UBR1: variants seen among roughly 807,000 people sequenced by gnomAD.
UBR1 encodes the protein E3 ubiquitin-protein ligase UBR1.
A neutral mutation model predicts 242.1 loss-of-function variants in UBR1; 102 were observed. The observed-to-expected ratio is 0.42, with a 90% CI of 0.36 to 0.50. The LOEUF is 0.50. UBR1 is among the 20% of genes least tolerant of loss of function. The pLI is 0.01. For synonymous variants in UBR1, 675 were observed against 684.8 expected (o/e 0.99, Z 0.22); for missense variants, 1,772 against 2,101.8 (o/e 0.84, Z 3.07).
At chr15:43,010,818 C>CAAAAAAAA (rs768275252) in intron 29 of UBR1, among the ~76,000 whole-genome samples, 223 of 56,844 alleles carry the variant, frequency 3.9e-3, no homozygotes, top group East Asian at 6.9e-3. Context: ...ACTAAAAATA[C>CAAAAAAAA]AAAAAAAAAA....
At chr15:43,045,879 T>C (rs1477881650) in intron 14 of UBR1, among the ~76,000 whole-genome samples, 2 of 152,194 alleles carry the variant, frequency 1.3e-5, no homozygotes, top group Non-Finnish European at 2.9e-5. Context: ...ATAATGCCTG[T>C]TTGTGAAAAC....
intron 40 of UBR1, 45 bp downstream of exon 40, chr15:42,970,475 A>G (rs772314083): frequency 9.5e-6 from 15 of 1,571,034 alleles, no homozygotes; most frequent in Non-Finnish European, 1.2e-5. Flanking sequence ...ACTGAACAAG[A>G]AATGGAATTA....
At chr15:42,992,126 C>T (rs2032565461) in intron 33 of UBR1, among the ~76,000 whole-genome samples, 1 of 152,070 alleles carries the variant, frequency 6.6e-6, no homozygotes, top group African/African-American at 2.4e-5. Flanking sequence ...TATCTCCATA[C>T]GGTTGGTTTT....
chr15:43,003,882 T>A lies in UBR1; in HGVS notation c.3464A>T (p.Tyr1155Phe), dbSNP rs2032763286. 6.2e-7 allele frequency: 1 copy of A among 1,614,144 alleles called. No homozygotes were observed. Among genetic ancestry groups the A allele is most frequent in the East Asian group, 2.2e-5 (1 of 44,876 alleles). ...CATTACATGACCACAGCTTCCTGTA[T>A]AAGTTCCATATGCCAAGTCTGGATC... ...FMDPDLAYGT[Y>F]TGSCGHVMHA... Residue 1155 changes from tyrosine to phenylalanine, a missense_variant, in exon 31 of 47, where the codon TAT (tyrosine) becomes TTT (phenylalanine). Physicochemically the swap from Tyr to Phe is conservative, Grantham distance 22. Coordinates refer to ENST00000290650, the MANE Select transcript of UBR1 (RefSeq NM_174916.3).
intron 12 of UBR1, among the ~76,000 whole-genome samples, chr15:43,050,354 C>T (rs1331874202): frequency 6.6e-6 from 1 of 152,070 alleles, no homozygotes; most frequent in East Asian, 1.9e-4. Context: ...AACTATGCAT[C>T]TGACAAAGTC....
rs566182745 is a variant in UBR1, at chr15:43,020,656, A to G, written c.2940+619T>C. The stretch of plus-strand genomic sequence containing the variant: ...AAAAATTATCACTTTATGCTGACTT[A>G]TAAGGACCTACAAGATCCGGCCCCT... On this transcript the variant is annotated intron_variant, in intron 27 of 46. Coordinates refer to ENST00000290650, the MANE Select transcript of UBR1 (RefSeq NM_174916.3). Among the ~76,000 whole-genome samples, 19 of 152,332 alleles carry G rather than the reference A, an allele frequency of 1.2e-4. No individual in the cohort carries two copies. The South Asian group carries it at 3.7e-3, about 30-fold the overall frequency.
intron 3 of UBR1, 76 bp from the exon 4 acceptor site, chr15:43,075,165 T>A: frequency 9.0e-7 from 1 of 1,115,402 alleles, no homozygotes; most frequent in Non-Finnish European, 1.4e-6. Flanking sequence ...ATGACTCAAA[T>A]AATAAATGCT....
At chr15:42,985,079 T>A in intron 35 of UBR1, 137 bp from the exon 36 acceptor site, 1 of 732,014 alleles carries the variant, frequency 1.4e-6, no homozygotes, top group Non-Finnish European at 2.1e-6. Flanking sequence ...TCTTGTGTTT[T>A]AAGTCTATGC....
At chr15:43,029,029 G>A (rs1453802405) in intron 21 of UBR1, among the ~76,000 whole-genome samples, 1 of 151,956 alleles carries the variant, frequency 6.6e-6, no homozygotes, top group Non-Finnish European at 1.5e-5. Context: ...AGGTTGCAGT[G>A]AGCCAAGATT....
chr15:43,085,698 AC>A (rs1316070757), intron 2 of UBR1, among the ~76,000 whole-genome samples: 1 of 148,926 alleles, frequency 6.7e-6, no homozygotes, highest in Admixed American at 6.7e-5. Context: ...AGCCTAGCCA[AC>A]ATGGTGAAAC....
chr15:43,091,362 T>C (rs1465701329), intron 1 of UBR1, among the ~76,000 whole-genome samples: 2 of 152,246 alleles, frequency 1.3e-5, no homozygotes, highest in African/African-American at 4.8e-5. Context: ...ACATTTTGGA[T>C]TTTAGATTTT....
In UBR1 at chr15:43,017,120, C is replaced by T; in HGVS notation, c.3002G>A (p.Gly1001Glu). The T allele has an allele frequency of 1.2e-6, 2 of 1,613,686 alleles. No individual in the cohort carries two copies. The highest frequency in any genetic ancestry group is 1.3e-5 in the African/African-American group (1 of 75,028). Residue 1001 changes from glycine (G) to glutamate (E), a missense_variant, in exon 28 of 47, where the codon GGA (glycine) becomes GAA (glutamate). Around this residue, in one of 3 missense-constraint regions of UBR1, gnomAD observed 965 missense variants for 1,079.7 expected, o/e 0.89. Transcript: ENST00000290650. ...CTCATCATTCTTAATAGATTCCGAT[C>T]CTGATGTGGTTGCTACAATTAAACA... is the stretch of plus-strand genomic sequence containing the variant. ...KSCLIVATTS[G>E]SESIKNDEIT...
chr15:43,017,294 A>G, intron 27 of UBR1, 113 bp from the exon 28 acceptor site: 1 of 744,582 alleles, frequency 1.3e-6, no homozygotes, highest in Non-Finnish European at 2.3e-6. Flanking sequence ...TCTTTCACTT[A>G]AACTATTTCA....
At chr15:42,954,229 G>A (rs1366380880) in intron 44 of UBR1, among the ~76,000 whole-genome samples, 1 of 152,066 alleles carries the variant, frequency 6.6e-6, no homozygotes, top group Non-Finnish European at 1.5e-5. Context: ...TATTCACCAG[G>A]CTTTTGTGGT....
chr15:43,062,711 A>G (rs944018851), intron 6 of UBR1, among the ~76,000 whole-genome samples: 5 of 152,184 alleles, frequency 3.3e-5, no homozygotes, highest in Non-Finnish European at 7.3e-5. Flanking sequence ...TCCCAGGCTC[A>G]GCCTCCTAAG....
At chr15:43,070,304 G>C (rs1391882213) in intron 5 of UBR1, among the ~76,000 whole-genome samples, 1 of 112,548 alleles carries the variant, frequency 8.9e-6, no homozygotes, top group Non-Finnish European at 1.8e-5. Context: ...AATAATCCTA[G>C]ATACCACCAA....
At chr15:43,009,234 G>A (rs1221357562) in intron 29 of UBR1, among the ~76,000 whole-genome samples, 2 of 152,230 alleles carry the variant, frequency 1.3e-5, no homozygotes, top group Non-Finnish European at 2.9e-5. Context: ...GCATCTCTGA[G>A]CTGCCAGGTG....
Position 43,043,326 on chromosome 15 carries a change from A to G in UBR1, c.1738T>C (p.Ser580Pro), listed in dbSNP as rs1188920595. 6.2e-7 allele frequency: 1 copy of G among 1,614,056 alleles called. No homozygotes were observed. The highest frequency in any genetic ancestry group is 1.7e-5 in the Admixed American group (1 of 60,012). Residue 580 changes from serine (S) to proline (P), a missense_variant, in exon 15 of 47, where the codon TCT becomes CCT. Coordinates refer to ENST00000290650, the MANE Select transcript of UBR1 (RefSeq NM_174916.3). ...AVMRCSTSFI[S>P]SSKTVVQSCG... The stretch of plus-strand genomic sequence containing the variant: ...GATTGTACTACTGTCTTGCTACTAG[A>G]TATGAAACTGGTACTGCACCTCATC...
chr15:43,026,753 C>A (rs1205215481), intron 22 of UBR1, 90 bp from the exon 23 acceptor site: 18 of 1,119,896 alleles, frequency 1.6e-5, no homozygotes, highest in Non-Finnish European at 2.4e-5. Flanking sequence ...ATCTAGAAGT[C>A]AAATATACAG....
Sources: gnomAD v4.1 joint callset for allele counts (sites outside exome capture counted in the v4.1 genomes callset) on GRCh38, gnomAD v4.1.1 for gene constraint, gnomAD v4.1.1 regional missense constraint, MANE v1.5 for transcripts, NCBI Gene and HGNC (gene_info 2026-07-23, HGNC 2026-07-21) for gene names.